DCBLD2: variants seen among roughly 807,000 people sequenced by gnomAD.
The protein encoded by DCBLD2 is discoidin, CUB and LCCL domain containing 2.
Under a neutral mutation model 86.8 loss-of-function variants are expected in DCBLD2, and 54 were observed. The ratio of observed to expected loss-of-function variants is 0.62; its 90% CI spans 0.50 to 0.78. DCBLD2 has a LOEUF of 0.78. Ranked by LOEUF, DCBLD2 falls within the 30% of genes least tolerant of loss-of-function variation. The pLI, the probability that DCBLD2 is intolerant of heterozygous loss-of-function variation, is 0.00. For missense variants in DCBLD2, 908 were observed against 954.2 expected, an observed-to-expected ratio of 0.95 and a Z score of 0.64; for synonymous variants, 354 against 341.3, an observed-to-expected ratio of 1.04 and a Z score of -0.41.
rs1361735134 is a variant in DCBLD2, at chr3:98,801,585, G to T, written c.1720+15C>A. On this transcript the variant is annotated intron_variant, in intron 14 of 15. Coordinates refer to ENST00000326840, the MANE Select transcript of DCBLD2 (RefSeq NM_080927.4). ...CCCTCTGATAGAAATGAGATGCAAAGACCACGTGAGTTACCTGCCCGGTCC... is the reference window on the plus strand; with the variant it reads ...CCCTCTGATAGAAATGAGATGCAAATACCACGTGAGTTACCTGCCCGGTCC... 1 of 1,605,200 alleles carries T rather than the reference G, an allele frequency of 6.2e-7. No homozygotes were observed. Among genetic ancestry groups the T allele is most frequent in the Non-Finnish European group, 8.5e-7 (1 of 1,175,084 alleles).
rs1488313257 is a variant in DCBLD2, at chr3:98,849,486, G to T, written c.546C>A (p.Ala182=). 1 of 1,613,788 alleles carries T rather than the reference G, an allele frequency of 6.2e-7. No individual in the cohort carries two copies. The highest frequency in any genetic ancestry group is 1.3e-5 in the African/African-American group (1 of 74,902). Residue 182 remains alanine (A), a synonymous_variant, in exon 3 of 16, where the codon GCC becomes GCA. Coordinates refer to ENST00000326840, the MANE Select transcript of DCBLD2 (RefSeq NM_080927.4). ...CTTGTTTATCTATAACAGAGTATGA[G>T]GCCAAAAATCCGCGTCCAGAAACAT... ...GIHVSGRGFL[A]SYSVIDKQDL... is the part of the protein sequence containing the mutation.
intron 9 of DCBLD2, chr3:98,816,071 A>C (rs555964463): frequency 5.9e-5 from 9 of 151,766 alleles, no homozygotes; most frequent in Middle Eastern, 3.4e-3. Flanking sequence ...TAAAAAAGCC[A>C]CATCAATCAA....
chr3:98,811,873 T>C (rs1941945744), intron 10 of DCBLD2, among the ~76,000 whole-genome samples: 1 of 152,206 alleles, frequency 6.6e-6, no homozygotes, highest in East Asian at 1.9e-4. Flanking sequence ...ATTCAATTCA[T>C]TTAATAGTTA....
chr3:98,843,764 G>T (rs947948363), intron 3 of DCBLD2, among the ~76,000 whole-genome samples: 13 of 152,266 alleles, frequency 8.5e-5, no homozygotes, highest in Admixed American at 7.8e-4. Context: ...TAAGTGCACT[G>T]TCATCAGATT....
intron 3 of DCBLD2, among the ~76,000 whole-genome samples, chr3:98,830,849 A>G (rs920219728): frequency 1.3e-5 from 2 of 152,200 alleles, no homozygotes; most frequent in Non-Finnish European, 2.9e-5. Flanking sequence ...TTTTATGATA[A>G]TGACTCCTCC....
chr3:98,893,933 T>C (rs1467680215), intron 1 of DCBLD2, among the ~76,000 whole-genome samples: 6 of 152,214 alleles, frequency 3.9e-5, no homozygotes, highest in Admixed American at 3.9e-4. Context: ...TGGGACTTGA[T>C]TAGCCAGACC....
chr3:98,900,055 G>A (rs1489899061), intron 1 of DCBLD2, among the ~76,000 whole-genome samples: 4 of 152,204 alleles, frequency 2.6e-5, no homozygotes, highest in Non-Finnish European at 5.9e-5. Context: ...GTGTCTAGAT[G>A]TAAGGGGTCA....
chr3:98,894,344 G>C (rs1395337247), intron 1 of DCBLD2, among the ~76,000 whole-genome samples: 1 of 152,156 alleles, frequency 6.6e-6, no homozygotes, highest in African/African-American at 2.4e-5. Flanking sequence ...AGAAAAAGGA[G>C]ACAGGCAACT....
intron 2 of DCBLD2, among the ~76,000 whole-genome samples, chr3:98,874,550 T>G (rs1314672589): frequency 2.0e-5 from 3 of 152,160 alleles, no homozygotes; most frequent in Admixed American, 2.0e-4. Flanking sequence ...TAACAACACT[T>G]AATGGAAATC....
At chr3:98,812,608 G>A in intron 9 of DCBLD2, 126 bp from the exon 10 acceptor site, 33 of 677,618 alleles carry the variant, frequency 4.9e-5, no homozygotes, top group South Asian at 2.2e-4. Flanking sequence ...ATGATAATAA[G>A]GATCAATTTT....
chr3:98,870,754 A>AAAAGAAAGAAAGAAAGG, intron 2 of DCBLD2, among the ~76,000 whole-genome samples: 1 of 128,770 alleles, frequency 7.8e-6, no homozygotes. Flanking sequence ...AGAAAGAAAG[A>AAAAGAAAGAAAGAAAGG]AAGAAAGAAA....
intron 2 of DCBLD2, among the ~76,000 whole-genome samples, chr3:98,878,988 G>A (rs145191200): frequency 2.0e-5 from 3 of 152,234 alleles, no homozygotes; most frequent in African/African-American, 4.8e-5. Flanking sequence ...CTGGAGCTTT[G>A]ACTAGAATTC....
chr3:98,847,649 C>G (rs1379446226), intron 3 of DCBLD2, among the ~76,000 whole-genome samples: 1 of 152,150 alleles, frequency 6.6e-6, no homozygotes, highest in East Asian at 1.9e-4. Context: ...CCCTATAATT[C>G]CCAGTGCCCA....
intron 2 of DCBLD2, among the ~76,000 whole-genome samples, chr3:98,853,479 T>C (rs35914268): frequency 0.064 from 9,717 of 152,278 alleles, 375 homozygotes; most frequent in African/African-American, 0.078. Context: ...TTTATCATCA[T>C]GGCTATGCTG....
intron 2 of DCBLD2, among the ~76,000 whole-genome samples, chr3:98,855,484 A>G (rs534410821): frequency 1.3e-5 from 2 of 152,238 alleles, no homozygotes; most frequent in African/African-American, 2.4e-5. Context: ...ACTTACGTAC[A>G]TCTTCAACAT....
At chr3:98,868,668 C>T (rs1265344016) in intron 2 of DCBLD2, among the ~76,000 whole-genome samples, 3 of 152,064 alleles carry the variant, frequency 2.0e-5, no homozygotes, top group Non-Finnish European at 4.4e-5. Context: ...GTTATTTATC[C>T]ACAAGGTTAG....
intron 2 of DCBLD2, among the ~76,000 whole-genome samples, chr3:98,866,843 T>G (rs1943157294): frequency 6.6e-6 from 1 of 152,246 alleles, no homozygotes; most frequent in Admixed American, 6.5e-5. Context: ...GTTTTAGGTC[T>G]AACATTTAAG....
chr3:98,870,795 AAG>A (rs1335669154), intron 2 of DCBLD2, among the ~76,000 whole-genome samples: 6 of 149,570 alleles, frequency 4.0e-5, no homozygotes, highest in African/African-American at 7.5e-5. Context: ...GAAAGAAAGA[AAG>A]AAAGAAAGAA....
At chr3:98,849,169 CAAAA>C (rs11328978) in intron 3 of DCBLD2, among the ~76,000 whole-genome samples, 1 of 143,240 alleles carries the variant, frequency 7.0e-6, no homozygotes, top group Non-Finnish European at 1.5e-5. Flanking sequence ...AACTCTGTCT[CAAAA>C]AAAAAAAAAA....
Sources: gnomAD v4.1 joint callset for allele counts (sites outside exome capture counted in the v4.1 genomes callset) on GRCh38, gnomAD v4.1.1 for gene constraint, MANE v1.5 for transcripts, NCBI Gene and HGNC (gene_info 2026-07-23, HGNC 2026-07-21) for gene names.